The following SPIDR variants were observed in gnomAD, a reference collection of about 807,000 sequenced individuals.
The protein encoded by SPIDR is DNA repair-scaffolding protein.
Under a neutral mutation model 104.6 loss-of-function variants are expected in SPIDR, and 93 were observed. That is an observed-to-expected ratio of 0.89 (90% confidence interval 0.75 to 1.06). The LOEUF is 1.06. SPIDR is among the 50% of genes least tolerant of loss of function. The pLI, the probability that SPIDR is intolerant of heterozygous loss-of-function variation, is 0.00. For missense variants in SPIDR, 1,154 were observed against 1,111.2 expected (o/e 1.04, Z -0.55); for synonymous variants, 431 against 416.9 (o/e 1.03, Z -0.41).
At chr8:47,288,342 G>C (rs1232467096) in intron 3 of SPIDR, among the ~76,000 whole-genome samples, 2 of 151,570 alleles carry the variant, frequency 1.3e-5, no homozygotes, top group Non-Finnish European at 2.9e-5. Context: ...CTAGAGTACA[G>C]TGGTGTGATC....
chr8:47,527,910 A>T (rs999084416), intron 8 of SPIDR: 1 of 152,094 alleles, frequency 6.6e-6, no homozygotes, highest in Non-Finnish European at 1.5e-5. Flanking sequence ...ATCTTTTTTT[A>T]AAAGCTATCT....
At chr8:47,312,665 G>C (rs1208484349) in intron 5 of SPIDR, among the ~76,000 whole-genome samples, 2 of 152,090 alleles carry the variant, frequency 1.3e-5, no homozygotes, top group Non-Finnish European at 2.9e-5. Flanking sequence ...CTCCCATTTT[G>C]TAGGTTGCCT....
intron 7 of SPIDR, among the ~76,000 whole-genome samples, chr8:47,417,315 C>T (rs1554676195): frequency 6.6e-6 from 1 of 152,160 alleles, no homozygotes; most frequent in African/African-American, 2.4e-5. Flanking sequence ...TAATGATCGC[C>T]ATTCTAACTG....
rs764545230 is a variant in SPIDR at position 47,276,080 on chromosome 8, C to G, written c.34-3782C>G. Among the ~76,000 whole-genome samples the G allele has an allele frequency of 4.6e-3, 695 of 152,254 alleles. 3 individuals carry two copies. The highest frequency in any genetic ancestry group is 6.1e-3 in the Non-Finnish European group (416 of 68,026). On this transcript the variant is annotated intron_variant, in intron 1 of 19. Transcript: ENST00000297423. The stretch of plus-strand genomic sequence containing the variant: ...TTTGCCATGTTCCCCAGGCTGGTCT[C>G]AAACTCCGGGGCTCAAGTGATCTGC...
At chr8:47,289,043 C>T (rs1225240374) in intron 3 of SPIDR, among the ~76,000 whole-genome samples, 1 of 151,984 alleles carries the variant, frequency 6.6e-6, no homozygotes, top group Admixed American at 6.6e-5. Context: ...GGGATCTTAC[C>T]CTGTCACTCG....
intron 6 of SPIDR, among the ~76,000 whole-genome samples, chr8:47,406,625 A>G (rs542045287): frequency 6.6e-6 from 1 of 152,350 alleles, no homozygotes; most frequent in South Asian, 2.1e-4. Flanking sequence ...AATACTAGCA[A>G]TATTATGTAT....
intron 8 of SPIDR, among the ~76,000 whole-genome samples, chr8:47,503,126 G>A (rs559013330): frequency 3.2e-4 from 48 of 152,272 alleles, no homozygotes; most frequent in African/African-American, 1.2e-3. Context: ...GATTTTGGGT[G>A]GAGAGTTCTG....
intron 8 of SPIDR, among the ~76,000 whole-genome samples, chr8:47,460,895 T>TA (rs1554713067): frequency 1.3e-5 from 2 of 152,214 alleles, no homozygotes; most frequent in Non-Finnish European, 2.9e-5. Context: ...TGATAAAGAC[T>TA]GTATCTTTCC....
At chr8:47,278,912 G>A (rs2037145245) in intron 1 of SPIDR, among the ~76,000 whole-genome samples, 1 of 151,838 alleles carries the variant, frequency 6.6e-6, no homozygotes, top group Admixed American at 6.6e-5. Context: ...TTAAGGACGT[G>A]GCCTCTCACT....
chr8:47,558,633 T>TG (rs1464605489), intron 8 of SPIDR, among the ~76,000 whole-genome samples: 2 of 168 alleles, frequency 0.012, no homozygotes, highest in Non-Finnish European at 0.03. Flanking sequence ...TAGCTTCACC[T>TG]TTTTTTTTGT....
intron 1 of SPIDR, among the ~76,000 whole-genome samples, chr8:47,267,925 A>G (rs2034430338): frequency 6.6e-6 from 1 of 152,166 alleles, no homozygotes; most frequent in African/African-American, 2.4e-5. Context: ...CAAGGTCACA[A>G]AGATTTATTC....
intron 5 of SPIDR, among the ~76,000 whole-genome samples, chr8:47,306,281 T>G (rs2043080061): frequency 2.0e-5 from 3 of 152,034 alleles, no homozygotes. Context: ...TCTGGGATTA[T>G]AGGCGCACGC....
intron 8 of SPIDR, chr8:47,511,776 A>G: frequency 1.6e-6 from 2 of 1,284,718 alleles, no homozygotes; most frequent in Non-Finnish European, 2.3e-6. Flanking sequence ...TGGCACCTTT[A>G]AAGAGATCAT....
At chr8:47,305,855 T>A (rs1431863378) in intron 5 of SPIDR, among the ~76,000 whole-genome samples, 2 of 152,238 alleles carry the variant, frequency 1.3e-5, no homozygotes, top group Admixed American at 6.5e-5. Context: ...CATTTTAAAA[T>A]GTGCAATTCA....
intron 6 of SPIDR, among the ~76,000 whole-genome samples, chr8:47,404,127 C>T (rs1554665653): frequency 6.6e-6 from 1 of 152,154 alleles, no homozygotes; most frequent in African/African-American, 2.4e-5. Context: ...ATAAATGGTG[C>T]TGGGAAAACT....
intron 5 of SPIDR, among the ~76,000 whole-genome samples, chr8:47,386,113 T>C (rs1385803262): frequency 6.6e-6 from 1 of 152,036 alleles, no homozygotes; most frequent in Non-Finnish European, 1.5e-5. Context: ...TTTTGCACTC[T>C]TATTTTTATT....
chr8:47,424,797 G>T (rs544299264), intron 7 of SPIDR, among the ~76,000 whole-genome samples: 1 of 152,154 alleles, frequency 6.6e-6, no homozygotes, highest in Admixed American at 6.5e-5. Context: ...GTGCAGTGGC[G>T]CAGCCTTGGC....
At chr8:47,568,215 C>T (rs1192294832) in intron 8 of SPIDR, among the ~76,000 whole-genome samples, 4 of 152,084 alleles carry the variant, frequency 2.6e-5, no homozygotes, top group African/African-American at 9.7e-5. Flanking sequence ...CTGGATCAAC[C>T]ATTCCTCATC....
intron 5 of SPIDR, among the ~76,000 whole-genome samples, chr8:47,352,178 G>A (rs1409947535): frequency 6.6e-6 from 1 of 151,744 alleles, no homozygotes; most frequent in African/African-American, 2.4e-5. Flanking sequence ...TCGGGAGGCT[G>A]AGGCAGGAGA....
Sources: allele counts gnomAD v4.1 joint callset (sites outside exome capture counted in the v4.1 genomes callset), GRCh38; gene constraint gnomAD v4.1.1; transcripts MANE v1.5; gene names NCBI Gene and HGNC (gene_info 2026-07-23, HGNC 2026-07-21).